DNAI1: variants seen among roughly 807,000 people sequenced by gnomAD.
The protein encoded by DNAI1 is dynein axonemal intermediate chain 1.
Under a neutral mutation model 92.0 loss-of-function variants are expected in DNAI1, and 67 were observed. The observed-to-expected ratio is 0.73, with a 90% CI of 0.60 to 0.89. DNAI1 has a LOEUF of 0.89. DNAI1 is among the 40% of genes least tolerant of loss of function. The pLI, the probability that DNAI1 is intolerant of heterozygous loss-of-function variation, is 0.00. For synonymous variants in DNAI1, 323 were observed against 319.6 expected (o/e 1.01, Z -0.11); for missense variants, 839 against 866.6 (o/e 0.97, Z 0.40).
chr9:34,489,569 G>T, intron 5 of DNAI1, 120 bp downstream of exon 5: 1 of 1,269,440 alleles, frequency 7.9e-7, no homozygotes, highest in Non-Finnish European at 1.1e-6. Context: ...TAAACTCCAG[G>T]CCGGGCAGGG....
At chr9:34,489,516 G>A in intron 5 of DNAI1, 67 bp downstream of exon 5, 1 of 1,585,968 alleles carries the variant, frequency 6.3e-7, no homozygotes, top group South Asian at 1.1e-5. Context: ...TCACTCTAGG[G>A]AGTATACCTC....
Position 34,513,174 on chromosome 9 carries a change from G to A in DNAI1, c.1552G>A (p.Glu518Lys). 6.2e-7 allele frequency: 1 copy of A among 1,614,150 alleles called. No homozygotes were observed. Among genetic ancestry groups the A allele is most frequent in the Non-Finnish European group, 8.5e-7 (1 of 1,179,990 alleles). ...IDYMFLVGTE[E>K]GKIYKCSKSY... ...CTACATGTTCCTAGTGGGCACAGAG[G>A]AGGGAAAAATCTACAAGGTGAGGCT... Residue 518 changes from glutamate (E) to lysine (K), a missense_variant, in exon 16 of 20, where the codon GAG becomes AAG. Coordinates refer to ENST00000242317, the MANE Select transcript of DNAI1 (RefSeq NM_012144.4).
Position 34,497,116 on chromosome 9 carries a change from C to T in DNAI1, c.818C>T (p.Thr273Ile). ...MRKLTSMESQ[T>I]DDLIKLSQAA... ...CCTGAAGTTTCTGTATCCCCACAGA[C>T]TGATGATCTCATCAAATTGTCCCAA... The change falls in exon 10 of 20, where the codon ACT becomes ATT. Residue 273 changes from threonine (T) to isoleucine (I), a missense_variant and splice_region_variant. Transcript: ENST00000242317. 1 of 1,613,626 alleles carries T rather than the reference C, an allele frequency of 6.2e-7. No individual in the cohort carries two copies. The highest frequency in any genetic ancestry group is 8.5e-7 in the Non-Finnish European group (1 of 1,179,498).
In DNAI1 at chr9:34,513,145, T is replaced by C. The variant is rs148238282; in HGVS notation, c.1523T>C (p.Ile508Thr). Residue 508 changes from isoleucine (I) to threonine (T), a missense_variant, in exon 16 of 20, where the codon ATT becomes ACT. Transcript: ENST00000242317. ...ACTGCCTTTGACTTCCACAAAGAGA[T>C]TGACTACATGTTCCTAGTGGGCACA... ...CGTAFDFHKE[I>T]DYMFLVGTEE... is the part of the protein sequence containing the mutation. 1.1e-4 allele frequency: 173 copies of C among 1,614,014 alleles called. No individual in the cohort carries two copies. The highest frequency in any genetic ancestry group is 5.7e-5 in the Non-Finnish European group (67 of 1,180,040).
intron 1 of DNAI1, among the ~76,000 whole-genome samples, chr9:34,461,406 G>T (rs185463543): frequency 1.3e-5 from 2 of 152,184 alleles, no homozygotes; most frequent in Admixed American, 1.3e-4. Flanking sequence ...TCAAGATATA[G>T]GATACTTTCT....
intron 4 of DNAI1, chr9:34,488,501 G>A (rs994874445): frequency 6.5e-6 from 1 of 153,182 alleles, no homozygotes; most frequent in African/African-American, 2.4e-5. Flanking sequence ...GTTTACCGTA[G>A]TGTGCCATAC....
intron 1 of DNAI1, among the ~76,000 whole-genome samples, chr9:34,479,177 C>T (rs953692666): frequency 3.9e-5 from 6 of 152,110 alleles, no homozygotes; most frequent in African/African-American, 1.2e-4. Flanking sequence ...GACTGCACCT[C>T]GGAGTCCTAG....
intron 1 of DNAI1, among the ~76,000 whole-genome samples, chr9:34,481,157 CG>C (rs755797816): frequency 5.3e-5 from 8 of 151,602 alleles, no homozygotes; most frequent in Non-Finnish European, 1.0e-4. Flanking sequence ...GCAGGAGAAT[CG>C]CTTGAAACCA....
intron 19 of DNAI1, among the ~76,000 whole-genome samples, chr9:34,518,424 T>C (rs1200229127): frequency 6.6e-6 from 1 of 152,146 alleles, no homozygotes; most frequent in East Asian, 1.9e-4. Context: ...GCTGGGAGTG[T>C]GGCTGGCCCT....
chr9:34,493,773 C>T (rs1358626367), intron 9 of DNAI1, among the ~76,000 whole-genome samples: 1 of 152,134 alleles, frequency 6.6e-6, no homozygotes, highest in Non-Finnish European at 1.5e-5. Context: ...GGTGAATCTT[C>T]AGGGCCAGGA....
At chr9:34,505,269 C>T (rs1210974794) in intron 12 of DNAI1, among the ~76,000 whole-genome samples, 1 of 152,174 alleles carries the variant, frequency 6.6e-6, no homozygotes, top group African/African-American at 2.4e-5. Flanking sequence ...CCAATTTCTA[C>T]AGGCTGCCCA....
chr9:34,483,286 G>A (rs1234142695), intron 1 of DNAI1, among the ~76,000 whole-genome samples, 162 bp from the exon 2 acceptor site: 1 of 152,266 alleles, frequency 6.6e-6, no homozygotes, highest in African/African-American at 2.4e-5. Flanking sequence ...CCAGGCAGGG[G>A]AGGTGCCGAG....
chr9:34,514,840 AAGG>A (rs1825144056), intron 18 of DNAI1, 101 bp downstream of exon 18: 1 of 1,303,606 alleles, frequency 7.7e-7, no homozygotes, highest in Non-Finnish European at 1.1e-6. Context: ...CTAGGTCAGG[AAGG>A]AGAAGGCGGG....
At chr9:34,506,240 C>T (rs1824926912) in intron 12 of DNAI1, among the ~76,000 whole-genome samples, 1 of 152,170 alleles carries the variant, frequency 6.6e-6, no homozygotes, top group African/African-American at 2.4e-5. Context: ...TGGGCATTAT[C>T]CAGGCATCTA....
intron 14 of DNAI1, 25 bp from the exon 15 acceptor site, chr9:34,512,312 C>CA: frequency 1.2e-6 from 2 of 1,613,798 alleles, no homozygotes; most frequent in East Asian, 2.2e-5. Context: ...CCCTCCCCCC[C>CA]ACATCCCTCT....
intron 6 of DNAI1, 118 bp downstream of exon 6, chr9:34,490,242 G>A: frequency 6.2e-7 from 1 of 1,606,678 alleles, no homozygotes; most frequent in Non-Finnish European, 8.5e-7. Context: ...GGCTGCAGGT[G>A]CCAATGTGTC....
chr9:34,507,908 G>C (rs1395540199), intron 13 of DNAI1, among the ~76,000 whole-genome samples: 1 of 152,158 alleles, frequency 6.6e-6, no homozygotes, highest in Admixed American at 6.5e-5. Context: ...TCGACATTGG[G>C]GCTGGATTTC....
At chr9:34,514,272 T>G in intron 16 of DNAI1, 122 bp from the exon 17 acceptor site, 1 of 1,322,914 alleles carries the variant, frequency 7.6e-7, no homozygotes, top group African/African-American at 1.4e-5. Context: ...TTGGCCCCAG[T>G]TCAGCTGGGA....
chr9:34,468,798 T>C (rs1824087362), intron 1 of DNAI1, among the ~76,000 whole-genome samples: 1 of 149,968 alleles, frequency 6.7e-6, no homozygotes, highest in African/African-American at 2.5e-5. Flanking sequence ...TGCAAAGCAG[T>C]CTGGGTGACA....
Sources: gnomAD v4.1 joint callset for allele counts (sites outside exome capture counted in the v4.1 genomes callset) on GRCh38, gnomAD v4.1.1 for gene constraint, MANE v1.5 for transcripts, NCBI Gene and HGNC (gene_info 2026-07-23, HGNC 2026-07-21) for gene names.